Variants in MORN5 observed in about 807,000 individuals in gnomAD.
MORN5 encodes the protein MORN repeat containing 5.
A neutral mutation model predicts 22.1 loss-of-function variants in MORN5; 21 were observed. The observed-to-expected ratio is 0.95, with a 90% CI of 0.67 to 1.37. MORN5 has a LOEUF of 1.37. MORN5 is among the 40% of genes most tolerant of loss of function. MORN5 has a pLI of 0.00. For synonymous variants in MORN5, 73 were observed against 74.0 expected (o/e 0.99, Z 0.07); for missense variants, 211 against 215.1 (o/e 0.98, Z 0.12).
intron 4 of MORN5, among the ~76,000 whole-genome samples, chr9:122,196,741 A>G (rs1426986478): frequency 1.3e-5 from 2 of 152,070 alleles, no homozygotes; most frequent in East Asian, 1.9e-4. Context: ...GTGCAGGGCT[A>G]TTATTCACAT....
At chr9:122,180,282 CTTTTTTTTTTTT>C (rs938997436) in intron 4 of MORN5, among the ~76,000 whole-genome samples, 6 of 107,524 alleles carry the variant, frequency 5.6e-5, no homozygotes, top group East Asian at 4.7e-4. Flanking sequence ...ACATTTTCTT[CTTTTTTTTTTTT>C]TTTTTTTTTG....
intron 3 of MORN5, 61 bp downstream of exon 3, chr9:122,169,817 G>A (rs939678855): frequency 3.9e-5 from 43 of 1,114,094 alleles, no homozygotes; most frequent in Middle Eastern, 2.0e-4. Context: ...AGACAGTTTC[G>A]GATAAGTGGA....
At chr9:122,166,164 C>A (rs1380627258) in intron 1 of MORN5, among the ~76,000 whole-genome samples, 1 of 152,064 alleles carries the variant, frequency 6.6e-6, no homozygotes, top group Non-Finnish European at 1.5e-5. Context: ...AAAACCCACC[C>A]CCATGATTCA....
At chr9:122,188,597 T>A (rs1449223827) in intron 4 of MORN5, among the ~76,000 whole-genome samples, 2 of 152,186 alleles carry the variant, frequency 1.3e-5, no homozygotes, top group African/African-American at 2.4e-5. Context: ...GCAGAGGCTG[T>A]GGGGTCAGGC....
chr9:122,199,758 C>A, intron 4 of MORN5, 127 bp from the exon 5 acceptor site: 1 of 841,840 alleles, frequency 1.2e-6, no homozygotes, highest in Admixed American at 1.8e-5. Flanking sequence ...TTCCTCCCCA[C>A]ACAAAACTAC....
At chr9:122,169,198 G>A (rs1021463555) in intron 2 of MORN5, among the ~76,000 whole-genome samples, 4 of 152,086 alleles carry the variant, frequency 2.6e-5, no homozygotes, top group South Asian at 2.1e-4. Context: ...TTCTAGAAAC[G>A]CCCTCATGAA....
At chr9:122,199,738 G>T in intron 4 of MORN5, 147 bp from the exon 5 acceptor site, 1 of 734,132 alleles carries the variant, frequency 1.4e-6, no homozygotes. Flanking sequence ...CAGTGTAAAT[G>T]AAAGGTCTGT....
At chr9:122,192,757 C>A (rs980678879) in intron 4 of MORN5, among the ~76,000 whole-genome samples, 2 of 152,184 alleles carry the variant, frequency 1.3e-5, no homozygotes, top group African/African-American at 2.4e-5. Flanking sequence ...CAATCTATTG[C>A]CCCAAATCAC....
chr9:122,183,279 C>T (rs923416327), intron 4 of MORN5, among the ~76,000 whole-genome samples: 4 of 152,210 alleles, frequency 2.6e-5, no homozygotes, highest in Non-Finnish European at 5.9e-5. Context: ...ACGTCCCTGT[C>T]ATTCCTCTTA....
At chr9:122,160,181 T>G (rs1251173314) in intron 1 of MORN5, among the ~76,000 whole-genome samples, 162 bp downstream of exon 1, 13 of 152,228 alleles carry the variant, frequency 8.5e-5, no homozygotes, top group Admixed American at 8.5e-4. Context: ...CTAAGATGCA[T>G]TCATTCCATA....
At chr9:122,199,738 G>C in intron 4 of MORN5, 147 bp from the exon 5 acceptor site, 1 of 734,132 alleles carries the variant, frequency 1.4e-6, no homozygotes, top group Non-Finnish European at 2.4e-6. Context: ...CAGTGTAAAT[G>C]AAAGGTCTGT....
At chr9:122,165,905 T>C (rs1477000703) in intron 1 of MORN5, among the ~76,000 whole-genome samples, 3 of 152,080 alleles carry the variant, frequency 2.0e-5, no homozygotes, top group African/African-American at 7.2e-5. Flanking sequence ...TGGGAAAGTA[T>C]CTGTATTAGT....
chr9:122,161,416 C>T (rs1003303363), intron 1 of MORN5, among the ~76,000 whole-genome samples: 6 of 152,190 alleles, frequency 3.9e-5, no homozygotes. Context: ...GACACTTATC[C>T]TACTCAGCAG....
At chr9:122,177,374 A>G (rs1314656078) in intron 4 of MORN5, among the ~76,000 whole-genome samples, 2 of 152,268 alleles carry the variant, frequency 1.3e-5, no homozygotes, top group Non-Finnish European at 2.9e-5. Flanking sequence ...AGACAGTTCC[A>G]GTCCCACCAT....
At chr9:122,192,294 T>G (rs942370852) in intron 4 of MORN5, among the ~76,000 whole-genome samples, 1 of 152,200 alleles carries the variant, frequency 6.6e-6, no homozygotes, top group Non-Finnish European at 1.5e-5. Flanking sequence ...TGTGCTAACC[T>G]TTTTTAGGAA....
chr9:122,199,021 G>T lies in MORN5; in HGVS notation c.440-864G>T, dbSNP rs114536002. ...AGGTCCCTGCAGTGGTGGAGGAGGG[G>T]CCCGGTATGGGTTTGGAGGAGAAAG... On this transcript the variant is annotated intron_variant, in intron 4 of 4. Transcript: ENST00000373764. 4.9e-3 allele frequency among the ~76,000 whole-genome samples: 737 copies of T among 151,762 alleles called. 5 individuals are homozygous for T. The highest frequency in any genetic ancestry group is 0.016 in the African/African-American group (665 of 41,332).
At chr9:122,191,245 T>C (rs1829757955) in intron 4 of MORN5, among the ~76,000 whole-genome samples, 1 of 152,178 alleles carries the variant, frequency 6.6e-6, no homozygotes, top group African/African-American at 2.4e-5. Flanking sequence ...TCCCCTCAGC[T>C]GCAGCCACTC....
At position 122,197,522 on chromosome 9, in the gene MORN5, G is replaced by A. The variant is rs1829920268; in HGVS notation, c.440-2363G>A. On this transcript the variant is annotated intron_variant, in intron 4 of 4. Transcript: ENST00000373764. The surrounding 1 kb of genome is among the most constrained non-coding windows in gnomAD (Gnocchi z 5.7). ...CAGGGGAGCCGCAGAGAGGCGCAGG[G>A]GAGGCGGAGGGAGGGGTTGGTGAGC... Among the ~76,000 whole-genome samples the A allele has an allele frequency of 6.6e-6, 1 of 152,212 alleles. No homozygotes were observed. Among genetic ancestry groups the A allele is most frequent in the South Asian group, 2.1e-4 (1 of 4,832 alleles).
At chr9:122,176,973 A>G (rs537602679) in intron 4 of MORN5, among the ~76,000 whole-genome samples, 1 of 152,256 alleles carries the variant, frequency 6.6e-6, no homozygotes, top group Admixed American at 6.5e-5. Context: ...GGTAACAGAG[A>G]AAGTAACTGC....
Sources: allele counts gnomAD v4.1 joint callset (sites outside exome capture counted in the v4.1 genomes callset), GRCh38; gene constraint gnomAD v4.1.1; non-coding constraint Gnocchi (gnomAD v3.1); transcripts MANE v1.5; gene names NCBI Gene and HGNC (gene_info 2026-07-23, HGNC 2026-07-21).